The following LONP2 variants were observed in gnomAD, a reference collection of about 807,000 sequenced individuals.
LONP2 encodes lon protease homolog 2, peroxisomal.
In LONP2, 60 loss-of-function variants were observed where a neutral mutation model predicts 85.6. The ratio of observed to expected loss-of-function variants is 0.70; its 90% CI spans 0.57 to 0.87. The LOEUF (loss-of-function observed/expected upper bound fraction) is 0.87. LONP2 is among the 40% of genes least tolerant of loss of function. The pLI is 0.00. For missense variants in LONP2, 860 were observed against 1,063.5 expected, an observed-to-expected ratio of 0.81 and a Z score of 2.66; for synonymous variants, 395 against 389.7, an observed-to-expected ratio of 1.01 and a Z score of -0.16.
chr16:48,277,310 CTG>C, intron 7 of LONP2, 26 bp from the exon 8 acceptor site: 1 of 1,606,104 alleles, frequency 6.2e-7, no homozygotes, highest in Non-Finnish European at 8.5e-7. Context: ...ACATCTCACA[CTG>C]TGAATGTGCT....
chr16:48,287,642 T>G (rs185363501), intron 8 of LONP2, among the ~76,000 whole-genome samples: 3 of 152,348 alleles, frequency 2.0e-5, no homozygotes, highest in African/African-American at 7.2e-5. Context: ...GCTAGGCTAC[T>G]GGTTTTCACA....
rs1035019004 is a variant in LONP2, at chr16:48,333,831, G to A, written c.1796-385G>A. Among the ~76,000 whole-genome samples, 5 of 152,306 alleles carry A rather than the reference G, an allele frequency of 3.3e-5. No homozygotes were observed. In the Middle Eastern group the frequency reaches 0.01, roughly 311 times the overall value. ...CAGAGAATCCAAAGTAACCTACTGC[G>A]CTTAGCCCTTCAGTCTTTGTCCTAG... On this transcript the variant is annotated intron_variant, in intron 11 of 14. Transcript: ENST00000285737.
At chr16:48,295,778 G>A (rs1421276987) in intron 8 of LONP2, among the ~76,000 whole-genome samples, 1 of 152,138 alleles carries the variant, frequency 6.6e-6, no homozygotes, top group African/African-American at 2.4e-5. Flanking sequence ...TGTAATTTCT[G>A]CTGCTTTGTG....
At chr16:48,361,649 G>A (rs1235771495), downstream of LONP2, 1 of 1,612,996 alleles carries the variant, frequency 6.2e-7, no homozygotes, top group Non-Finnish European at 8.5e-7. Context: ...CAATGCTGGT[G>A]TCAAAGACTA....
intron 14 of LONP2, 49 bp from the exon 15 acceptor site, chr16:48,351,532 C>T: frequency 1.4e-6 from 2 of 1,464,632 alleles, no homozygotes; most frequent in Non-Finnish European, 1.9e-6. Flanking sequence ...GGGTTTCTTT[C>T]AGCTTGAGGG....
At chr16:48,246,120 C>T (rs530334776) in intron 1 of LONP2, among the ~76,000 whole-genome samples, 5 of 152,172 alleles carry the variant, frequency 3.3e-5, no homozygotes, top group South Asian at 2.1e-4. Flanking sequence ...CCCCCACCCC[C>T]GTTAAAAGAA....
At chr16:48,278,335 T>G (rs2046530) in intron 8 of LONP2, among the ~76,000 whole-genome samples, 2,077 of 152,272 alleles carry the variant, frequency 0.014, 46 homozygotes, top group African/African-American at 0.047. Flanking sequence ...TTTTATGGCT[T>G]CCTTCCTAGG....
chr16:48,349,816 A>G (rs576294473), intron 14 of LONP2, among the ~76,000 whole-genome samples: 1 of 152,364 alleles, frequency 6.6e-6, no homozygotes, highest in African/African-American at 2.4e-5. Flanking sequence ...GAAATAACTG[A>G]ACATTTCCTA....
chr16:48,325,628 A>G lies in LONP2; in HGVS notation c.1796-8588A>G, dbSNP rs60494112. Among the ~76,000 whole-genome samples the G allele has an allele frequency of 5.5e-3, 840 of 152,298 alleles. 6 individuals carry two copies. The highest frequency in any genetic ancestry group is 0.019 in the African/African-American group (789 of 41,570). On this transcript the variant is annotated intron_variant, in intron 11 of 14. Coordinates refer to ENST00000285737, the MANE Select transcript of LONP2 (RefSeq NM_031490.5). ...GTGGCTGAATAATATTCCATTGTTT[A>G]TATATGTCACATTTTCTTTATCCAT... is the stretch of plus-strand genomic sequence containing the variant.
chr16:48,266,322 G>A (rs369897398), intron 6 of LONP2, among the ~76,000 whole-genome samples: 3 of 151,236 alleles, frequency 2.0e-5, no homozygotes, highest in East Asian at 1.9e-4. Context: ...TCTCTTTGGA[G>A]AAAGGTTTTT....
At chr16:48,301,850 A>G (rs1972812878) in intron 10 of LONP2, among the ~76,000 whole-genome samples, 1 of 152,136 alleles carries the variant, frequency 6.6e-6, no homozygotes, top group Non-Finnish European at 1.5e-5. Flanking sequence ...GCTGCACACT[A>G]AGTGTTCTCT....
In LONP2 at chr16:48,348,128, C is replaced by T. The variant is rs1338683591; in HGVS notation, c.2175C>T (p.Asn725=). Reference sequence around the variant, plus strand: ...TTGGAAGTTTTGATCTTCTTGACAACACAGACATCCATCTGCACTTCCCAG... The same window carrying T: ...TTGGAAGTTTTGATCTTCTTGACAATACAGACATCCATCTGCACTTCCCAG... The part of the protein sequence containing the change: ...NAFGSFDLLD[N]TDIHLHFPAG... Residue 725 remains asparagine, a synonymous_variant, in exon 14 of 15, where the codon AAC becomes AAT. Transcript: ENST00000285737. 4.4e-6 allele frequency: 7 copies of T among 1,608,676 alleles called. No individual in the cohort carries two copies. Among genetic ancestry groups the T allele is most frequent in the Admixed American group, 1.7e-5 (1 of 58,416 alleles).
At position 48,287,332 on chromosome 16, in the gene LONP2, G is replaced by C. The variant is rs77265554; in HGVS notation, c.1384-8683G>C. On this transcript the variant is annotated intron_variant, in intron 8 of 14. Coordinates refer to ENST00000285737, the MANE Select transcript of LONP2 (RefSeq NM_031490.5). ...TTTGGATTCTCAGGCATATGTCAAG[G>C]CTTTTCAAAGTCCCCATGAATATCT... Among the ~76,000 whole-genome samples, 68 of 152,330 alleles carry C rather than the reference G, an allele frequency of 4.5e-4. No homozygotes were observed. In the East Asian group the frequency reaches 0.013, roughly 29 times the overall value.
intron 12 of LONP2, chr16:48,336,435 G>A (rs1306430564): frequency 1.1e-5 from 5 of 456,068 alleles, no homozygotes; most frequent in Admixed American, 2.3e-5. Flanking sequence ...ACATGCGTGC[G>A]TGCGGAGAGA....
chr16:48,269,027 G>T (rs1196929938), intron 6 of LONP2, among the ~76,000 whole-genome samples: 2 of 152,156 alleles, frequency 1.3e-5, no homozygotes, highest in African/African-American at 4.8e-5. Flanking sequence ...CCCAGCTAGT[G>T]AATTCATTTT....
intron 8 of LONP2, among the ~76,000 whole-genome samples, chr16:48,281,361 T>G (rs986338356): frequency 5.9e-5 from 9 of 152,172 alleles, no homozygotes; most frequent in African/African-American, 2.2e-4. Flanking sequence ...ATTCAAAATT[T>G]AGATGATCTC....
chr16:48,310,943 G>A (rs544420571), intron 11 of LONP2, among the ~76,000 whole-genome samples: 30 of 152,102 alleles, frequency 2.0e-4, no homozygotes, highest in Non-Finnish European at 3.7e-4. Flanking sequence ...TACAAAATTC[G>A]AGTTTGACCA....
At position 48,258,877 on chromosome 16, in the gene LONP2, C is replaced by A. The variant is rs557514137; in HGVS notation, c.723+137C>A. 8.0e-5 allele frequency: 62 copies of A among 771,684 alleles called. No individual in the cohort carries two copies. The African/African-American group carries it at 1.0e-3, about 13-fold the overall frequency. The allele number at this position is 771,684 out of a possible 1,614,324, so 47.8% of individuals were successfully genotyped here. A position where few individuals can be genotyped will look rare whatever the true frequency, so the allele number is the denominator to read the frequency against. ...TTAGGTGTTTCCCTCTCATCCTTTTCTTTGCCTGGATTTTTTTTTAAAGCA... is the reference window on the plus strand; with the variant it reads ...TTAGGTGTTTCCCTCTCATCCTTTTATTTGCCTGGATTTTTTTTTAAAGCA... On this transcript the variant is annotated intron_variant, in intron 4 of 14. Coordinates refer to ENST00000285737, the MANE Select transcript of LONP2 (RefSeq NM_031490.5).
chr16:48,244,522 G>A lies in LONP2; in HGVS notation c.134G>A (p.Arg45His), dbSNP rs866595433. 15 of 1,584,174 alleles carry A rather than the reference G, an allele frequency of 9.5e-6. No individual in the cohort carries two copies. Among genetic ancestry groups the A allele is most frequent in the East Asian group, 2.3e-5 (1 of 43,200 alleles). The part of the protein sequence containing the change: ...SARNLQLVRS[R>H]LLKGTSLQST... The stretch of plus-strand genomic sequence containing the variant: ...CGCAACCTGCAGCTGGTGCGGAGCC[G>A]CCTTCTGAAGGGCACGTCGCTGCAA... Residue 45 changes from arginine (R) to histidine (H), a missense_variant, in exon 1 of 15, where the codon CGC becomes CAC. Arg to His is a conservative substitution (Grantham distance 29). Around this residue, in one of 3 missense-constraint regions of LONP2, gnomAD observed 743 missense variants for 917.3 expected, o/e 0.81. Coordinates refer to ENST00000285737, the MANE Select transcript of LONP2 (RefSeq NM_031490.5).
Sources: gnomAD v4.1 joint callset for allele counts (sites outside exome capture counted in the v4.1 genomes callset) on GRCh38, gnomAD v4.1.1 for gene constraint, gnomAD v4.1.1 regional missense constraint, MANE v1.5 for transcripts, NCBI Gene and HGNC (gene_info 2026-07-23, HGNC 2026-07-21) for gene names.